Variants in SLC25A21 observed in about 807,000 individuals in gnomAD.
The protein encoded by SLC25A21 is mitochondrial 2-oxodicarboxylate carrier.
SLC25A21 carries 47 observed loss-of-function variants against 43.8 expected under a neutral mutation model. The ratio of observed to expected loss-of-function variants is 1.07; its 90% CI spans 0.85 to 1.37. The LOEUF is 1.37. Among genes scored for constraint, SLC25A21 ranks in the 40% most tolerant of loss-of-function variants. SLC25A21 has a pLI of 0.00. For missense variants in SLC25A21, 352 were observed against 350.2 expected, an observed-to-expected ratio of 1.00 and a Z score of -0.04; for synonymous variants, 131 against 121.3, an observed-to-expected ratio of 1.08 and a Z score of -0.52.
chr14:36,914,035 G>A (rs1891763286), intron 1 of SLC25A21, among the ~76,000 whole-genome samples: 1 of 152,150 alleles, frequency 6.6e-6, no homozygotes, highest in Non-Finnish European at 1.5e-5. Flanking sequence ...CCCTTAACAA[G>A]TAACTTTTCC....
intron 1 of SLC25A21, among the ~76,000 whole-genome samples, chr14:36,920,300 T>G (rs1891946102): frequency 6.6e-6 from 1 of 152,084 alleles, no homozygotes; most frequent in Non-Finnish European, 1.5e-5. Flanking sequence ...TCAGGCTCCT[T>G]TTGAAAACTG....
intron 1 of SLC25A21, among the ~76,000 whole-genome samples, chr14:37,115,246 C>A (rs372394985): frequency 2.0e-5 from 3 of 152,258 alleles, no homozygotes; most frequent in East Asian, 3.9e-4. Context: ...AGGGCAGCAC[C>A]GCCAAGGTCC....
chr14:37,134,672 GAAAGAAAAGA>G (rs781248596), intron 1 of SLC25A21, among the ~76,000 whole-genome samples: 13 of 149,386 alleles, frequency 8.7e-5, no homozygotes, highest in African/African-American at 1.7e-4. Context: ...AAGAAAGAAA[GAAAGAAAAGA>G]AAAGAAAAGA....
At chr14:36,890,144 G>A (rs1206586784) in intron 1 of SLC25A21, among the ~76,000 whole-genome samples, 5 of 152,134 alleles carry the variant, frequency 3.3e-5, no homozygotes, top group African/African-American at 1.2e-4. Context: ...GAGAGCAGGG[G>A]GAGGTATGAA....
chr14:36,842,564 G>T (rs918563111), intron 2 of SLC25A21, among the ~76,000 whole-genome samples: 1 of 152,174 alleles, frequency 6.6e-6, no homozygotes, highest in Non-Finnish European at 1.5e-5. Flanking sequence ...TAAACTCCTG[G>T]TTTATTTGTG....
At chr14:37,167,644 G>A (rs1167114892) in intron 1 of SLC25A21, among the ~76,000 whole-genome samples, 1 of 152,138 alleles carries the variant, frequency 6.6e-6, no homozygotes, top group Non-Finnish European at 1.5e-5. Flanking sequence ...CATGCAGCTG[G>A]AGGTTACAAG....
chr14:36,720,779 C>T (rs866588392), intron 6 of SLC25A21, among the ~76,000 whole-genome samples: 29 of 152,234 alleles, frequency 1.9e-4, no homozygotes, highest in African/African-American at 6.5e-4. Flanking sequence ...ACTTCTGCTG[C>T]TAAGTGCTAG....
intron 1 of SLC25A21, among the ~76,000 whole-genome samples, chr14:37,129,643 T>C (rs1254427426): frequency 6.6e-6 from 1 of 151,156 alleles, no homozygotes; most frequent in East Asian, 1.9e-4. Context: ...TGTTAAAACA[T>C]TGTGTTAAAT....
intron 1 of SLC25A21, among the ~76,000 whole-genome samples, chr14:37,154,162 G>A (rs1963806697): frequency 6.6e-6 from 1 of 152,066 alleles, no homozygotes. Flanking sequence ...GTCATCACTG[G>A]TGCCTGGAAA....
chr14:36,846,135 T>C (rs935656681), intron 2 of SLC25A21, among the ~76,000 whole-genome samples: 6 of 152,186 alleles, frequency 3.9e-5, no homozygotes, highest in African/African-American at 1.4e-4. Flanking sequence ...TACTTCGCCT[T>C]GCAACTTAGT....
At chr14:36,746,340 TAGAAAC>T (rs1185914547) in intron 3 of SLC25A21, among the ~76,000 whole-genome samples, 4 of 150,634 alleles carry the variant, frequency 2.7e-5, no homozygotes, top group Non-Finnish European at 4.4e-5. Context: ...TGGGATGACT[TAGAAAC>T]AGAAAGTCAA....
intron 1 of SLC25A21, among the ~76,000 whole-genome samples, chr14:36,967,699 C>T (rs17178003): frequency 0.09 from 13,738 of 152,134 alleles, 834 homozygotes; most frequent in Non-Finnish European, 0.14. Flanking sequence ...CAACCGAATC[C>T]AGCAGTAACA....
At chr14:36,708,785 A>G (rs1883696623) in intron 7 of SLC25A21, among the ~76,000 whole-genome samples, 1 of 124,332 alleles carries the variant, frequency 8.0e-6, no homozygotes, top group Non-Finnish European at 1.6e-5. Flanking sequence ...AGGTCTCACT[A>G]TGTTCCCCAG....
At chr14:36,699,762 G>T (rs112386832) in intron 7 of SLC25A21, among the ~76,000 whole-genome samples, 1 of 152,198 alleles carries the variant, frequency 6.6e-6, no homozygotes, top group East Asian at 1.9e-4. Flanking sequence ...AGCCAGGAAT[G>T]GGGGAGAATC....
chr14:36,932,220 T>C (rs776395628), intron 1 of SLC25A21, among the ~76,000 whole-genome samples: 5 of 152,156 alleles, frequency 3.3e-5, no homozygotes, highest in African/African-American at 7.2e-5. Context: ...TTTCCTCCTC[T>C]ATTAAAAAAG....
At chr14:36,996,233 C>T (rs904398896) in intron 1 of SLC25A21, among the ~76,000 whole-genome samples, 2 of 152,170 alleles carry the variant, frequency 1.3e-5, no homozygotes, top group South Asian at 4.1e-4. Flanking sequence ...ACTTTCAACT[C>T]CTGGTCCAGC....
chr14:36,873,022 T>C (rs1890418626), intron 2 of SLC25A21, among the ~76,000 whole-genome samples: 1 of 152,204 alleles, frequency 6.6e-6, no homozygotes, highest in Non-Finnish European at 1.5e-5. Context: ...ATTCTAATAT[T>C]GTGTCTTGAT....
intron 1 of SLC25A21, among the ~76,000 whole-genome samples, chr14:36,887,495 G>A (rs755403444): frequency 2.0e-5 from 3 of 151,478 alleles, no homozygotes; most frequent in Non-Finnish European, 2.9e-5. Context: ...CCTGGGAGGC[G>A]GATGTTGCAG....
rs867713008 is a variant in SLC25A21 at position 36,710,396 on chromosome 14, A to G, written c.603+922T>C. On this transcript the variant is annotated intron_variant, in intron 7 of 9. Transcript: ENST00000331299. ...CTCCAAGAAAAAAAAAGAAAAGAAA[A>G]GAAAAAAAAGGAAACGGGGAAAAAA... Among the ~76,000 whole-genome samples the G allele has an allele frequency of 1.9e-4, 28 of 149,086 alleles. No individual in the cohort carries two copies. In the Middle Eastern group the frequency reaches 0.014, roughly 73 times the overall value.
Sources: allele counts gnomAD v4.1 joint callset (sites outside exome capture counted in the v4.1 genomes callset), GRCh38; gene constraint gnomAD v4.1.1; transcripts MANE v1.5; gene names NCBI Gene and HGNC (gene_info 2026-07-23, HGNC 2026-07-21).